YIPF6: variants seen among roughly 807,000 people sequenced by gnomAD.
YIPF6 encodes the protein Yip1 domain family member 6.
YIPF6 carries 3 observed loss-of-function variants against 16.8 expected under a neutral mutation model. That is an observed-to-expected ratio of 0.18 (90% CI 0.08 to 0.46). YIPF6 has a LOEUF of 0.46. Ranked by LOEUF, YIPF6 falls within the 20% of genes least tolerant of loss-of-function variation. YIPF6 has a pLI of 0.98. For missense variants in YIPF6, 145 were observed against 184.9 expected, an observed-to-expected ratio of 0.78 and a Z score of 1.25; for synonymous variants, 67 against 61.9, an observed-to-expected ratio of 1.08 and a Z score of -0.38.
In YIPF6 at chrX:68,531,925, G is replaced by A. The variant is rs368588647; in HGVS notation, c.637G>A (p.Ala213Thr). The change falls in exon 7 of 7, where the codon GCC becomes ACC. Residue 213 changes from alanine to threonine, a missense_variant. Ala to Thr is a moderately conservative substitution (Grantham distance 58). Coordinates refer to ENST00000462683, the MANE Select transcript of YIPF6 (RefSeq NM_173834.4). The part of the protein sequence containing the change: ...LADSQPPNRR[A>T]LAVYPVFLFY... ...TGATAGCCAGCCTCCAAACCGCAGA[G>A]CCCTAGCTGTTTATCCTGTTTTCCT... 2.7e-5 allele frequency: 32 copies of A among 1,198,529 alleles called. No individual in the cohort carries two copies. The South Asian group carries it at 5.4e-4, about 20-fold the overall frequency.
intron 3 of YIPF6, among the ~76,000 whole-genome samples, chrX:68,518,436 A>G (rs959332202): frequency 9.0e-6 from 1 of 111,549 alleles, no homozygotes; most frequent in African/African-American, 3.3e-5. Context: ...TGCCTTGGCT[A>G]TAGTCTTTTT....
chrX:68,503,678 C>T (rs1369242641), intron 1 of YIPF6, among the ~76,000 whole-genome samples: 1 of 112,128 alleles, frequency 8.9e-6, no homozygotes, highest in African/African-American at 3.2e-5. Flanking sequence ...AAAGCACAGT[C>T]CTCTACAAGA....
At chrX:68,508,112 ATTC>A (rs2079066839) in intron 1 of YIPF6, among the ~76,000 whole-genome samples, 1 of 96,379 alleles carries the variant, frequency 1.0e-5, no homozygotes, top group African/African-American at 3.8e-5. Context: ...ATTCTCAGCT[ATTC>A]TTTTTTTTTT....
intron 6 of YIPF6, 102 bp downstream of exon 6, chrX:68,523,019 G>A (rs915910631): frequency 8.1e-6 from 8 of 993,047 alleles, no homozygotes; most frequent in Non-Finnish European, 1.1e-5. Context: ...AGATGTGAGT[G>A]ATATGATTCT....
chrX:68,502,730 A>G (rs1248761481), intron 1 of YIPF6, among the ~76,000 whole-genome samples: 1 of 111,003 alleles, frequency 9.0e-6, no homozygotes, highest in African/African-American at 3.3e-5. Flanking sequence ...TTGATTTAGG[A>G]GTCATCTGCA....
chrX:68,525,857 T>A (rs1014207302), intron 6 of YIPF6, among the ~76,000 whole-genome samples: 2 of 111,874 alleles, frequency 1.8e-5, no homozygotes, highest in African/African-American at 6.5e-5. Flanking sequence ...TCTGTTTTGG[T>A]ACCAGTACTG....
At chrX:68,500,559 C>G (rs760381878) in intron 1 of YIPF6, among the ~76,000 whole-genome samples, 34 of 111,534 alleles carry the variant, frequency 3.0e-4, no homozygotes, top group Non-Finnish European at 1.5e-4. Context: ...AGGTGATCTG[C>G]CCGCCTCGGC....
At position 68,536,114 on chromosome X, in the gene YIPF6, A is replaced by G. The variant is rs1048719743; in HGVS notation, c.*4115A>G. The G allele has an allele frequency of 1.8e-5, 2 of 111,777 alleles. No homozygotes were observed. Among genetic ancestry groups the G allele is most frequent in the Admixed American group, 1.9e-4 (2 of 10,508 alleles). The allele number at this position is 111,777 out of a possible 1,213,427, so 9.2% of individuals were successfully genotyped here. A position where few individuals can be genotyped will look rare whatever the true frequency, so the allele number is the denominator to read the frequency against. On this transcript the variant is annotated 3_prime_UTR_variant, in exon 7 of 7. Coordinates refer to ENST00000462683, the MANE Select transcript of YIPF6 (RefSeq NM_173834.4). ...TGAAATTCACCTTTTAAGATGTACA[A>G]TTCAGTGGTTTTTAGTATATTCACA... is the stretch of plus-strand genomic sequence containing the variant.
intron 1 of YIPF6, among the ~76,000 whole-genome samples, chrX:68,499,714 T>C (rs2079033816): frequency 8.9e-6 from 1 of 112,342 alleles, no homozygotes; most frequent in Non-Finnish European, 1.9e-5. Context: ...CTCTGCTCAC[T>C]GCAACCTCTG....
chrX:68,512,949 C>T (rs2079087203), intron 2 of YIPF6, among the ~76,000 whole-genome samples: 1 of 109,398 alleles, frequency 9.1e-6, no homozygotes, highest in Admixed American at 9.9e-5. Context: ...GCTAATTGGT[C>T]CTTGGAACCT....
chrX:68,503,811 C>T (rs1190290505), intron 1 of YIPF6, among the ~76,000 whole-genome samples: 2 of 112,347 alleles, frequency 1.8e-5, no homozygotes, highest in Admixed American at 9.5e-5. Flanking sequence ...TTGGCACAAT[C>T]TCAGCTCACT....
chrX:68,517,311 C>T (rs1398536416), intron 3 of YIPF6, among the ~76,000 whole-genome samples: 1 of 111,002 alleles, frequency 9.0e-6, no homozygotes, highest in African/African-American at 3.3e-5. Flanking sequence ...CCATGCCCAG[C>T]GAATATTTTG....
chrX:68,522,379 C>T (rs2079129925), intron 5 of YIPF6, among the ~76,000 whole-genome samples: 1 of 109,658 alleles, frequency 9.1e-6, no homozygotes, highest in Non-Finnish European at 1.9e-5. Context: ...TCACTGCAAC[C>T]TCCACCTCCC....
chrX:68,517,027 G>A (rs1201210355), intron 3 of YIPF6, among the ~76,000 whole-genome samples: 3 of 111,154 alleles, frequency 2.7e-5, no homozygotes, highest in African/African-American at 9.8e-5. Flanking sequence ...TCACCATGTT[G>A]GCCAGGCTCA....
chrX:68,524,386 C>T (rs1305342308), intron 6 of YIPF6, among the ~76,000 whole-genome samples: 1 of 110,222 alleles, frequency 9.1e-6, no homozygotes, highest in Non-Finnish European at 1.9e-5. Flanking sequence ...CCAGGCTGGT[C>T]TCGAACTCCT....
At chrX:68,515,664 A>G (rs1319913470) in intron 3 of YIPF6, among the ~76,000 whole-genome samples, 1 of 106,048 alleles carries the variant, frequency 9.4e-6, no homozygotes, top group Non-Finnish European at 2.0e-5. Context: ...AGACTGTGTT[A>G]TGGTTGACTT....
rs1387371034 is a variant in YIPF6, at chrX:68,534,381, G to A, written c.*2382G>A. Reference sequence around the variant, plus strand: ...AAAACGTAGCATGCCTATACATGATGTTAACATCATTCTCGAACAGTTGTT... The same window carrying A: ...AAAACGTAGCATGCCTATACATGATATTAACATCATTCTCGAACAGTTGTT... On this transcript the variant is annotated 3_prime_UTR_variant, in exon 7 of 7. Transcript: ENST00000462683. The A allele has an allele frequency of 9.0e-6, 1 of 110,879 alleles. No homozygotes were observed. The highest frequency in any genetic ancestry group is 9.7e-5 in the Admixed American group (1 of 10,320). 9.1% of individuals were successfully genotyped at this position (110,879 alleles called of 1,213,427 possible). A position where few individuals can be genotyped will look rare whatever the true frequency, so the allele number is the denominator to read the frequency against.
chrX:68,518,002 C>T (rs1042597375), intron 3 of YIPF6, among the ~76,000 whole-genome samples: 13 of 104,850 alleles, frequency 1.2e-4, no homozygotes, highest in Non-Finnish European at 1.8e-4. Flanking sequence ...AGGCCAGGTG[C>T]GGTGGCTCAC....
rs1409021959 is a variant in YIPF6 at position 68,531,948 on chromosome X, C to T, written c.660C>T (p.Phe220=). Residue 220 remains phenylalanine (F), a synonymous_variant, in exon 7 of 7, where the codon TTC becomes TTT. Coordinates refer to ENST00000462683, the MANE Select transcript of YIPF6 (RefSeq NM_173834.4). ...NRRALAVYPV[F]LFYFVISWMI... ...GAGCCCTAGCTGTTTATCCTGTTTT[C>T]CTGTTTTACTTTGTCATCAGTTGGA... 8.3e-7 allele frequency: 1 copy of T among 1,206,544 alleles called. No individual in the cohort carries two copies. The highest frequency in any genetic ancestry group is 1.1e-6 in the Non-Finnish European group (1 of 892,386).
Sources: allele counts gnomAD v4.1 joint callset (sites outside exome capture counted in the v4.1 genomes callset), GRCh38; gene constraint gnomAD v4.1.1; transcripts MANE v1.5; gene names NCBI Gene and HGNC (gene_info 2026-07-23, HGNC 2026-07-21).